KATNIP: variants seen among roughly 807,000 people sequenced by gnomAD.
The protein encoded by KATNIP is katanin interacting protein, also known as katanin-interacting protein.
Under a neutral mutation model 174.0 loss-of-function variants are expected in KATNIP, and 126 were observed. That is an observed-to-expected ratio of 0.72 (90% confidence interval 0.63 to 0.84). The LOEUF (loss-of-function observed/expected upper bound fraction) is 0.84, where lower values mean the gene tolerates loss of function less well. KATNIP is among the 40% of genes least tolerant of loss of function. The pLI is 0.00. For synonymous variants in KATNIP, 810 were observed against 835.7 expected (o/e 0.97, Z 0.53); for missense variants, 1,958 against 2,109.7 (o/e 0.93, Z 1.41).
At chr16:27,713,172 T>A (rs1358315947) in intron 13 of KATNIP, among the ~76,000 whole-genome samples, 1 of 152,146 alleles carries the variant, frequency 6.6e-6, no homozygotes, top group Non-Finnish European at 1.5e-5. Context: ...CCACATCACT[T>A]CTTCCTCCAG....
intron 18 of KATNIP, chr16:27,757,530 C>G: frequency 1.0e-6 from 1 of 985,360 alleles, no homozygotes; most frequent in Non-Finnish European, 1.2e-6. Context: ...TGACCCAGCT[C>G]CTGACCTTTC....
intron 2 of KATNIP, among the ~76,000 whole-genome samples, chr16:27,607,885 G>A (rs1224497060): frequency 6.6e-6 from 1 of 152,194 alleles, no homozygotes; most frequent in African/African-American, 2.4e-5. Flanking sequence ...ATAGGCGTGA[G>A]CCACCACACC....
chr16:27,780,312 A>C lies in KATNIP; in HGVS notation c.*1683A>C, dbSNP rs947953800. 4 of 152,226 alleles carry C rather than the reference A, an allele frequency of 2.6e-5. No individual in the cohort carries two copies. The highest frequency in any genetic ancestry group is 9.6e-5 in the African/African-American group (4 of 41,460). The allele number at this position is 152,226 out of a possible 1,614,324, so 9.4% of individuals were successfully genotyped here. A position where few individuals can be genotyped will look rare whatever the true frequency, so the allele number is the denominator to read the frequency against. ...AAAAGGCTGTACAAGCTTTAACTCT[A>C]AAATAAATTTCTATTTTTTTCCTCT... On this transcript the variant is annotated 3_prime_UTR_variant, in exon 28 of 28. Coordinates refer to ENST00000261588, the MANE Select transcript of KATNIP (RefSeq NM_015202.5).
chr16:27,710,079 G>A (rs1236342879), intron 13 of KATNIP, among the ~76,000 whole-genome samples: 1 of 152,186 alleles, frequency 6.6e-6, no homozygotes, highest in Non-Finnish European at 1.5e-5. Context: ...ATCCAACAGA[G>A]CCAGGTACAG....
In KATNIP at chr16:27,775,537, T is replaced by C. The variant is rs2082466159; in HGVS notation, c.4449+453T>C. On this transcript the variant is annotated intron_variant, in intron 24 of 27. Coordinates refer to ENST00000261588, the MANE Select transcript of KATNIP (RefSeq NM_015202.5). ...GGCCGCCCTGCCCTCCTTCTGGCCC[T>C]AAATTGGCCTGGTCAGCTCTTCCGA... 3.3e-5 allele frequency among the ~76,000 whole-genome samples: 5 copies of C among 152,346 alleles called. No homozygotes were observed. The South Asian group carries it at 1.0e-3, about 32-fold the overall frequency.
intron 18 of KATNIP, 54 bp from the exon 19 acceptor site, chr16:27,761,359 G>A: frequency 6.6e-7 from 1 of 1,513,516 alleles, no homozygotes; most frequent in Non-Finnish European, 8.9e-7. Context: ...CTTCATTTTA[G>A]ATGCCTCCTC....
rs752777834 is a variant in KATNIP, at chr16:27,778,564, G to C, written c.4802-10G>C. On this transcript the variant is annotated splice_polypyrimidine_tract_variant and intron_variant, in intron 27 of 27. Transcript: ENST00000261588. ...AGTAACTCTGGTCCCTCTGTTCCCT[G>C]TCATGACAGCCTTACGTCCCAAAAC... The C allele has an allele frequency of 6.2e-7, 1 of 1,613,380 alleles. No individual in the cohort carries two copies. Among genetic ancestry groups the C allele is most frequent in the Non-Finnish European group, 8.5e-7 (1 of 1,179,630 alleles).
chr16:27,721,328 G>T (rs557524496), intron 13 of KATNIP, among the ~76,000 whole-genome samples: 1 of 152,260 alleles, frequency 6.6e-6, no homozygotes, highest in African/African-American at 2.4e-5. Context: ...GGTCCGTGTG[G>T]CAGCTTTGTG....
At chr16:27,656,897 C>A (rs2077310507) in intron 6 of KATNIP, among the ~76,000 whole-genome samples, 1 of 150,442 alleles carries the variant, frequency 6.6e-6, no homozygotes, top group African/African-American at 2.5e-5. Context: ...TGTAACTAAC[C>A]TGCACAATGT....
At chr16:27,724,550 G>A (rs1438182069) in intron 14 of KATNIP, among the ~76,000 whole-genome samples, 2 of 152,182 alleles carry the variant, frequency 1.3e-5, no homozygotes, top group Non-Finnish European at 2.9e-5. Context: ...GGGTGCTTGG[G>A]GGAGCTGTTG....
At chr16:27,674,785 C>A (rs1309538911) in intron 6 of KATNIP, among the ~76,000 whole-genome samples, 1 of 152,184 alleles carries the variant, frequency 6.6e-6, no homozygotes, top group Non-Finnish European at 1.5e-5. Flanking sequence ...CACCCTCTGT[C>A]CCCCAAAGAT....
chr16:27,721,836 G>A (rs1398340904), intron 14 of KATNIP, 141 bp downstream of exon 14: 4 of 927,304 alleles, frequency 4.3e-6, no homozygotes, highest in Non-Finnish European at 6.4e-6. Flanking sequence ...GAGCCTGCTG[G>A]TAGGTTCACA....
intron 13 of KATNIP, among the ~76,000 whole-genome samples, chr16:27,720,941 C>T (rs1010108448): frequency 1.6e-4 from 25 of 152,062 alleles, no homozygotes; most frequent in Non-Finnish European, 2.4e-4. Flanking sequence ...CAATTTTGTC[C>T]GTGTGAATGA....
chr16:27,731,600 C>T (rs753281333), intron 14 of KATNIP, among the ~76,000 whole-genome samples: 4 of 152,010 alleles, frequency 2.6e-5, no homozygotes, highest in Middle Eastern at 3.4e-3. Context: ...GCCCATTTCA[C>T]GGCCCTGTCT....
intron 5 of KATNIP, 96 bp downstream of exon 5, chr16:27,631,258 GC>G: frequency 1.1e-6 from 1 of 936,588 alleles, no homozygotes; most frequent in Non-Finnish European, 1.7e-6. Context: ...ACCCCCATGG[GC>G]CAGGCACAGT....
At chr16:27,634,261 G>T (rs993024166) in intron 5 of KATNIP, among the ~76,000 whole-genome samples, 3 of 152,148 alleles carry the variant, frequency 2.0e-5, no homozygotes, top group Non-Finnish European at 4.4e-5. Context: ...GGCTGTAATT[G>T]TCCTTCTACA....
At chr16:27,739,997 T>G in intron 14 of KATNIP, 44 bp from the exon 15 acceptor site, 3 of 1,565,612 alleles carry the variant, frequency 1.9e-6, no homozygotes, top group Non-Finnish European at 2.6e-6. Flanking sequence ...CATACATCAG[T>G]CTGATGCTAT....
chr16:27,640,574 A>G (rs1407164953), intron 5 of KATNIP, among the ~76,000 whole-genome samples: 1 of 150,264 alleles, frequency 6.7e-6, no homozygotes, highest in Non-Finnish European at 1.5e-5. Context: ...AACATTAGAA[A>G]CTCTTTCTGG....
At chr16:27,710,438 A>G (rs1425055412) in intron 13 of KATNIP, among the ~76,000 whole-genome samples, 1 of 152,208 alleles carries the variant, frequency 6.6e-6, no homozygotes, top group Non-Finnish European at 1.5e-5. Context: ...TGCTACTTGC[A>G]AGTTGCACAC....
Sources: allele counts gnomAD v4.1 joint callset (sites outside exome capture counted in the v4.1 genomes callset), GRCh38; gene constraint gnomAD v4.1.1; transcripts MANE v1.5; gene names NCBI Gene and HGNC (gene_info 2026-07-23, HGNC 2026-07-21).